Variants in NAV2 observed in about 807,000 individuals in gnomAD.
NAV2 encodes neuron navigator 2.
Under a neutral mutation model 223.2 loss-of-function variants are expected in NAV2, and 54 were observed. The observed-to-expected ratio is 0.24, with a 90% CI of 0.19 to 0.30. NAV2 has a LOEUF of 0.30. Ranked by LOEUF, NAV2 falls within the 10% of genes least tolerant of loss-of-function variation. NAV2 has a pLI of 1.00. For missense variants in NAV2, 2,806 were observed against 3,147.5 expected (o/e 0.89, Z 2.60); for synonymous variants, 1,279 against 1,239.3 (o/e 1.03, Z -0.67).
chr11:19,401,064 A>G (rs1174636152), intron 1 of NAV2, among the ~76,000 whole-genome samples: 1 of 152,256 alleles, frequency 6.6e-6, no homozygotes, highest in Non-Finnish European at 1.5e-5. Flanking sequence ...GTCTCCAGCC[A>G]TTGGAGATCA....
At chr11:19,724,575 A>C (rs1418103274) in intron 1 of NAV2, among the ~76,000 whole-genome samples, 1 of 152,228 alleles carries the variant, frequency 6.6e-6, no homozygotes, top group Non-Finnish European at 1.5e-5. Context: ...AAAGAATCAG[A>C]AAAATAGGGC....
chr11:19,656,911 C>T (rs979534037), intron 1 of NAV2, among the ~76,000 whole-genome samples: 1 of 152,214 alleles, frequency 6.6e-6, no homozygotes, highest in African/African-American at 2.4e-5. Flanking sequence ...TCAAGGATAT[C>T]ACCTAGGCTT....
chr11:19,668,532 C>CAAAAAA lies in NAV2; in HGVS notation c.76-163933_76-163928dup, dbSNP rs762975832. Among the ~76,000 whole-genome samples the CAAAAAA allele has an allele frequency of 6.2e-4, 40 of 64,740 alleles. 1 individual carries two copies. The highest frequency in any genetic ancestry group is 7.1e-4 in the Admixed American group (3 of 4,236). 42.5% of individuals were successfully genotyped at this position (64,740 alleles called of 152,430 possible). On this transcript the variant is annotated intron_variant, in intron 1 of 37. Transcript: ENST00000360655. ...TGGGCAACAGAATGAGACTCGGTCTCAAAAAAAAAAAAAAAAAAAAAAAAG... is the reference window on the plus strand; with the variant it reads ...TGGGCAACAGAATGAGACTCGGTCTCAAAAAAAAAAAAAAAAAAAAAAAAAAAAAAG...
At chr11:20,018,864 C>T (rs1237566298) in intron 11 of NAV2, among the ~76,000 whole-genome samples, 1 of 152,144 alleles carries the variant, frequency 6.6e-6, no homozygotes, top group Non-Finnish European at 1.5e-5. Context: ...CAACATCTGA[C>T]CCGTGAGAAG....
chr11:20,062,285 C>G, intron 19 of NAV2, 22 bp from the exon 20 acceptor site: 1 of 1,591,216 alleles, frequency 6.3e-7, no homozygotes, highest in Non-Finnish European at 8.6e-7. Context: ...TATCAATTCA[C>G]CTTTTTTTTT....
intron 1 of NAV2, among the ~76,000 whole-genome samples, chr11:19,589,948 G>T (rs920021839): frequency 2.6e-5 from 4 of 152,204 alleles, no homozygotes; most frequent in South Asian, 2.1e-4. Flanking sequence ...TGAGCTCACC[G>T]TGGGGCCTGG....
intron 4 of NAV2, among the ~76,000 whole-genome samples, chr11:19,869,411 G>A (rs1364112166): frequency 1.3e-5 from 2 of 152,118 alleles, no homozygotes; most frequent in African/African-American, 2.4e-5. Flanking sequence ...TCTTTTATTC[G>A]AGGAAGCAGC....
chr11:20,079,914 T>C, intron 24 of NAV2, 150 bp from the exon 25 acceptor site: 1 of 749,990 alleles, frequency 1.3e-6, no homozygotes, highest in Non-Finnish European at 2.1e-6. Context: ...TCAAGGATCT[T>C]AGAAACAGCT....
At chr11:19,905,196 A>G (rs1383366560) in intron 6 of NAV2, among the ~76,000 whole-genome samples, 2 of 152,200 alleles carry the variant, frequency 1.3e-5, no homozygotes, top group Non-Finnish European at 2.9e-5. Flanking sequence ...CTCCATTCAC[A>G]TTCTTGAGAA....
intron 1 of NAV2, among the ~76,000 whole-genome samples, chr11:19,762,168 G>A (rs549704519): frequency 5.9e-5 from 9 of 152,278 alleles, no homozygotes; most frequent in South Asian, 4.2e-4. Flanking sequence ...ACTGGAACCC[G>A]GAAGGTGGAG....
intron 1 of NAV2, among the ~76,000 whole-genome samples, chr11:19,454,864 T>C (rs1225879492): frequency 6.6e-6 from 1 of 152,180 alleles, no homozygotes; most frequent in African/African-American, 2.4e-5. Flanking sequence ...GGTCCTAAGA[T>C]AAGACAAAAC....
chr11:19,757,478 T>C (rs542997212), intron 1 of NAV2, among the ~76,000 whole-genome samples: 1 of 152,312 alleles, frequency 6.6e-6, no homozygotes, highest in African/African-American at 2.4e-5. Context: ...TAAAGGCTTT[T>C]GCTCCTCTGC....
intron 1 of NAV2, among the ~76,000 whole-genome samples, chr11:19,556,880 A>G (rs977158605): frequency 6.6e-6 from 1 of 152,218 alleles, no homozygotes; most frequent in African/African-American, 2.4e-5. Flanking sequence ...ATCATGAAAT[A>G]AAAACGTCAT....
chr11:19,471,176 T>C (rs1204785034), intron 1 of NAV2, among the ~76,000 whole-genome samples: 1 of 152,166 alleles, frequency 6.6e-6, no homozygotes, highest in Admixed American at 6.5e-5. Context: ...AGTGGCCTTT[T>C]GAATACTGCA....
intron 1 of NAV2, among the ~76,000 whole-genome samples, chr11:19,494,528 C>T (rs1590330361): frequency 6.6e-6 from 1 of 152,320 alleles, no homozygotes; most frequent in South Asian, 2.1e-4. Flanking sequence ...GAATTAATGC[C>T]ACACATATCA....
chr11:20,031,471 A>G (rs1334043405), intron 11 of NAV2, among the ~76,000 whole-genome samples: 2 of 152,186 alleles, frequency 1.3e-5, no homozygotes, highest in East Asian at 1.9e-4. Flanking sequence ...TTTACAAACA[A>G]GTTACGTTTC....
chr11:19,893,700 G>A (rs772133684), intron 6 of NAV2, among the ~76,000 whole-genome samples: 3 of 152,168 alleles, frequency 2.0e-5, no homozygotes, highest in Non-Finnish European at 2.9e-5. Flanking sequence ...AAGGCACTGG[G>A]AACTCTGCAA....
At chr11:20,108,753 G>A (rs76525537) in intron 36 of NAV2, among the ~76,000 whole-genome samples, 3,712 of 152,098 alleles carry the variant, frequency 0.024, 149 homozygotes, top group African/African-American at 0.085. Context: ...TGCCCAGCCC[G>A]GAAAGCAAAA....
chr11:19,647,197 A>G (rs535919919), intron 1 of NAV2, among the ~76,000 whole-genome samples: 1 of 152,140 alleles, frequency 6.6e-6, no homozygotes, highest in African/African-American at 2.4e-5. Flanking sequence ...GGCTGAGCGC[A>G]CATGTGCCTA....
Sources: allele counts gnomAD v4.1 joint callset (sites outside exome capture counted in the v4.1 genomes callset), GRCh38; gene constraint gnomAD v4.1.1; transcripts MANE v1.5; gene names NCBI Gene and HGNC (gene_info 2026-07-23, HGNC 2026-07-21).